ITGAD: variants seen among roughly 807,000 people sequenced by gnomAD.
ITGAD encodes integrin subunit alpha D.
Under a neutral mutation model 139.0 loss-of-function variants are expected in ITGAD, and 105 were observed. The observed-to-expected ratio is 0.76, with a 90% CI of 0.65 to 0.89. The LOEUF (loss-of-function observed/expected upper bound fraction) is 0.89. Among genes scored for constraint, ITGAD ranks in the 40% least tolerant of loss-of-function variants. The pLI is 0.00. For synonymous variants in ITGAD, 569 were observed against 598.3 expected (o/e 0.95, Z 0.71); for missense variants, 1,384 against 1,487.3 (o/e 0.93, Z 1.14).
intron 2 of ITGAD, 64 bp from the exon 3 acceptor site, chr16:31,397,295 C>T: frequency 2.7e-6 from 3 of 1,110,440 alleles, no homozygotes; most frequent in Admixed American, 4.1e-5. Flanking sequence ...TTCCTCACCC[C>T]CAAGTGCCCG....
intron 10 of ITGAD, among the ~76,000 whole-genome samples, chr16:31,409,465 G>A (rs902141198): frequency 1.3e-5 from 2 of 152,082 alleles, no homozygotes; most frequent in Non-Finnish European, 2.9e-5. Context: ...ATACTTGGGG[G>A]TTCATTATAC....
At chr16:31,410,970 T>C in intron 12 of ITGAD, 92 bp downstream of exon 12, 1 of 1,595,562 alleles carries the variant, frequency 6.3e-7, no homozygotes, top group South Asian at 1.1e-5. Flanking sequence ...TGGAGGGGCT[T>C]TGGGGGCCTT....
rs73538322 is a variant in ITGAD, at chr16:31,418,415, C to A, written c.2696+35C>A. 23 of 1,607,120 alleles carry A rather than the reference C, an allele frequency of 1.4e-5. No homozygotes were observed. The South Asian group carries it at 2.0e-4, about 14-fold the overall frequency. On this transcript the variant is annotated intron_variant, in intron 22 of 29. Coordinates refer to ENST00000389202, the MANE Select transcript of ITGAD (RefSeq NM_005353.3). ...GGCCAGGGTATCCCCCACCCTCCAT[C>A]GCATGCCCCGGCTAGAGACCCCTCT...
At chr16:31,414,646 C>T (rs2142788747) in intron 17 of ITGAD, 41 bp downstream of exon 17, 1 of 1,611,208 alleles carries the variant, frequency 6.2e-7, no homozygotes, top group East Asian at 2.2e-5. Context: ...AGAGGAGGAG[C>T]CCAAGGCTGG....
In ITGAD at chr16:31,414,746, C is replaced by T. The variant is rs1220891330; in HGVS notation, c.2152-114C>T. 6.6e-5 allele frequency: 103 copies of T among 1,550,012 alleles called. No homozygotes were observed. In the Admixed American group the frequency reaches 1.8e-3, roughly 26 times the overall value. On this transcript the variant is annotated intron_variant, in intron 17 of 29. Coordinates refer to ENST00000389202, the MANE Select transcript of ITGAD (RefSeq NM_005353.3). ...GGGACATTAGGGCAGGAGAACCTGG[C>T]TCCACGGCTTGGAGGGAGCACTGTC...
intron 15 of ITGAD, 48 bp downstream of exon 15, chr16:31,413,016 CG>C: frequency 6.2e-7 from 1 of 1,603,088 alleles, no homozygotes; most frequent in Non-Finnish European, 8.5e-7. Context: ...TCTGATTCAC[CG>C]GTGCTGCCTC....
Position 31,426,009 on chromosome 16 carries a change from T to A in ITGAD, c.3373-6T>A. 6.2e-7 allele frequency: 1 copy of A among 1,603,974 alleles called. No homozygotes were observed. The highest frequency in any genetic ancestry group is 8.5e-7 in the Non-Finnish European group (1 of 1,170,840). Reference sequence around the variant, plus strand: ...CCCAGCTTTTCTAATTTATTTCCCCTGATAGCTTGGCTTCTTCAAACGCCA... The same window carrying A: ...CCCAGCTTTTCTAATTTATTTCCCCAGATAGCTTGGCTTCTTCAAACGCCA... On this transcript the variant is annotated splice_region_variant and splice_polypyrimidine_tract_variant and intron_variant, in intron 29 of 29. Coordinates refer to ENST00000389202, the MANE Select transcript of ITGAD (RefSeq NM_005353.3).
chr16:31,416,759 T>C (rs2081898808), intron 20 of ITGAD, 113 bp downstream of exon 20: 1 of 988,308 alleles, frequency 1.0e-6, no homozygotes, highest in South Asian at 1.6e-5. Context: ...TCTCTCTCTC[T>C]CTCTCACACA....
At position 31,403,865 on chromosome 16, in the gene ITGAD, C is replaced by A; in HGVS notation, c.704+220C>A. ...TAGGCTCCTCTGCAGCTATGCCTCC[C>A]CTTTGCCTGGTTCTGCAGAGCCTGG... On this transcript the variant is annotated intron_variant, in intron 7 of 29. Transcript: ENST00000389202. This position sits in a 1 kb window ranked among gnomAD's most constrained non-coding sequence, Gnocchi z 4.4. The A allele has an allele frequency of 3.6e-6, 2 of 562,032 alleles. No homozygotes were observed. The highest frequency in any genetic ancestry group is 6.3e-6 in the Non-Finnish European group (2 of 317,882). The allele number at this position is 562,032 out of a possible 1,614,324, so 34.8% of individuals were successfully genotyped here.
intron 14 of ITGAD, among the ~76,000 whole-genome samples, chr16:31,412,108 C>T (rs553150762): frequency 1.7e-4 from 26 of 150,190 alleles, no homozygotes; most frequent in Middle Eastern, 3.4e-3. Flanking sequence ...CTCACTCTGT[C>T]GCCCAGGCTG....
chr16:31,400,946 G>A (rs1270230377), intron 5 of ITGAD, among the ~76,000 whole-genome samples: 1 of 152,134 alleles, frequency 6.6e-6, no homozygotes, highest in Non-Finnish European at 1.5e-5. Flanking sequence ...AGCATGAAGG[G>A]TGGATGCAAT....
At chr16:31,412,745 TGCCA>T in intron 14 of ITGAD, 89 bp from the exon 15 acceptor site, 1 of 1,526,096 alleles carries the variant, frequency 6.6e-7, no homozygotes, top group South Asian at 1.2e-5. Flanking sequence ...TCTCTCCCTT[TGCCA>T]CCATCCTACC....
intron 5 of ITGAD, among the ~76,000 whole-genome samples, chr16:31,399,746 AG>A (rs2081358033): frequency 6.6e-6 from 1 of 152,154 alleles, no homozygotes; most frequent in African/African-American, 2.4e-5. Context: ...GGTGCAGGCA[AG>A]GGGGGTGTGG....
intron 14 of ITGAD, among the ~76,000 whole-genome samples, chr16:31,412,159 G>C (rs2081739390): frequency 6.6e-6 from 1 of 151,296 alleles, no homozygotes; most frequent in South Asian, 2.1e-4. Flanking sequence ...AACCTCCCGA[G>C]TAGCCTCCCG....
In ITGAD at chr16:31,425,608, TTCC is replaced by T. The variant is rs536851942; in HGVS notation, c.3373-404_3373-402del. Among the ~76,000 whole-genome samples, 39 of 152,278 alleles carry T rather than the reference TTCC, an allele frequency of 2.6e-4. No homozygotes were observed. The South Asian group carries it at 5.0e-3, about 19-fold the overall frequency. ...TTGTTGCCTCCTCTTCTCTCTCAGC[TTCC>T]TCTTATTCCCAATTTTCTTCCCTGC... On this transcript the variant is annotated intron_variant, in intron 29 of 29. Transcript: ENST00000389202.
chr16:31,412,762 C>A, intron 14 of ITGAD, 76 bp from the exon 15 acceptor site: 1 of 1,583,192 alleles, frequency 6.3e-7, no homozygotes, highest in Non-Finnish European at 8.6e-7. Context: ...ATCCTACCTC[C>A]ATATTCCCCT....
chr16:31,423,876 G>A lies in ITGAD; in HGVS notation c.3077G>A (p.Arg1026His), dbSNP rs761110779. The change falls in exon 27 of 30, where the codon CGC (arginine) becomes CAC (histidine). Residue 1026 changes from arginine (R) to histidine (H), a missense_variant. Transcript: ENST00000389202. The stretch of plus-strand genomic sequence containing the variant: ...TCCATTGCTGACTGCCTGCAGTTCC[G>A]CTGTGACGTCCCCTCCTTCAGCGTC... Reference protein sequence around the residue: ...DCSIADCLQFRCDVPSFSVQE... With the variant: ...DCSIADCLQFHCDVPSFSVQE... The A allele has an allele frequency of 1.2e-5, 19 of 1,614,148 alleles. No homozygotes were observed. The East Asian group carries it at 3.8e-4, about 32-fold the overall frequency.
At position 31,413,286 on chromosome 16, in the gene ITGAD, C is replaced by T. The variant is rs1346158637; in HGVS notation, c.1996+40C>T. ...TAAAGGGGGCCCAGGCCCCTCATTC[C>T]ATTAGGGGCCCCAATGCCATCCTGA... On this transcript the variant is annotated intron_variant, in intron 16 of 29. Coordinates refer to ENST00000389202, the MANE Select transcript of ITGAD (RefSeq NM_005353.3). 1.9e-6 allele frequency: 3 copies of T among 1,601,508 alleles called. No homozygotes were observed. The African/African-American group carries it at 4.0e-5, about 22-fold the overall frequency.
Position 31,403,670 on chromosome 16 carries a change from G to A in ITGAD, c.704+25G>A, listed in dbSNP as rs774287199. ...TGTAAGCAACCCCGACCCCAGCCTGGCGATGTGACTGCCACCCCCACTTCC... is the reference window on the plus strand; with the variant it reads ...TGTAAGCAACCCCGACCCCAGCCTGACGATGTGACTGCCACCCCCACTTCC... On this transcript the variant is annotated intron_variant, in intron 7 of 29. Coordinates refer to ENST00000389202, the MANE Select transcript of ITGAD (RefSeq NM_005353.3). This position sits in a 1 kb window ranked among gnomAD's most constrained non-coding sequence, Gnocchi z 4.4. 4 of 1,613,556 alleles carry A rather than the reference G, an allele frequency of 2.5e-6. No homozygotes were observed. Among genetic ancestry groups the A allele is most frequent in the South Asian group, 2.2e-5 (2 of 91,066 alleles).
Sources: gnomAD v4.1 joint callset for allele counts (sites outside exome capture counted in the v4.1 genomes callset) on GRCh38, gnomAD v4.1.1 for gene constraint, Gnocchi (gnomAD v3.1) non-coding constraint, MANE v1.5 for transcripts, NCBI Gene and HGNC (gene_info 2026-07-23, HGNC 2026-07-21) for gene names.